Variants in CLK1 observed in about 807,000 individuals in gnomAD.
CLK1 encodes the protein dual specificity protein kinase CLK1.
Under a neutral mutation model 60.9 loss-of-function variants are expected in CLK1, and 40 were observed. That is an observed-to-expected ratio of 0.66 (90% CI 0.51 to 0.86). CLK1 has a LOEUF of 0.86. CLK1 is among the 40% of genes least tolerant of loss of function. CLK1 has a pLI of 0.00. For missense variants in CLK1, 563 were observed against 606.1 expected (o/e 0.93, Z 0.75); for synonymous variants, 203 against 184.4 (o/e 1.10, Z -0.82).
At chr2:200,854,233 T>TAA in intron 11 of CLK1, 13 of 342,400 alleles carry the variant, frequency 3.8e-5, no homozygotes, top group East Asian at 5.8e-5. Flanking sequence ...AGTGAAAATT[T>TAA]AAAAAAAAAA....
chr2:200,864,024 C>T (rs1420245341), intron 1 of CLK1: 2 of 1,447,210 alleles, frequency 1.4e-6, no homozygotes, highest in East Asian at 2.7e-5. Flanking sequence ...CAAAGCCACT[C>T]GCGATGTTTA....
intron 1 of CLK1, chr2:200,863,380 G>C (rs920383395): frequency 1.3e-5 from 2 of 151,746 alleles, no homozygotes; most frequent in Non-Finnish European, 2.9e-5. Flanking sequence ...GTAATATAGA[G>C]AGACCCCGCC....
At chr2:200,862,040 T>C (rs947075823) in intron 1 of CLK1, among the ~76,000 whole-genome samples, 178 bp from the exon 2 acceptor site, 3 of 151,868 alleles carry the variant, frequency 2.0e-5, no homozygotes, top group Admixed American at 6.6e-5. Context: ...TTCTGCAGTT[T>C]GAACTTCATT....
rs748169388 is a variant in CLK1, at chr2:200,858,030, G to A, written c.608C>T (p.Ala203Val). ...TTCCAGAACTTGTATTTCTGAGCGA[G>A]CAGCTTCACAGTATCTATCCACATT... ...VKNVDRYCEA[A>V]RSEIQVLEHL... The change falls in exon 6 of 13, where the codon GCT (alanine) becomes GTT (valine). Residue 203 changes from alanine to valine, a missense_variant. Around this residue, in one of 3 missense-constraint regions of CLK1, gnomAD observed 360 missense variants for 407.0 expected, o/e 0.88. Coordinates refer to ENST00000321356, the MANE Select transcript of CLK1 (RefSeq NM_004071.4). 6.2e-7 allele frequency: 1 copy of A among 1,614,040 alleles called. No homozygotes were observed. The highest frequency in any genetic ancestry group is 1.1e-5 in the South Asian group (1 of 91,076).
intron 1 of CLK1, among the ~76,000 whole-genome samples, chr2:200,862,571 G>T (rs1166509173): frequency 6.6e-6 from 1 of 152,108 alleles, no homozygotes; most frequent in African/African-American, 2.4e-5. Context: ...ACCACCCTTT[G>T]CCGACTCCTT....
chr2:200,860,255 A>T, intron 3 of CLK1, 40 bp from the exon 4 acceptor site: 2 of 1,613,690 alleles, frequency 1.2e-6, no homozygotes, highest in Non-Finnish European at 1.7e-6. Context: ...TCATCCAGCC[A>T]ATCAATATAC....
At position 200,864,161 on chromosome 2, in the gene CLK1, C is replaced by A. The variant is rs2039189429; in HGVS notation, c.-1+403G>T. On this transcript the variant is annotated intron_variant, in intron 1 of 12. Coordinates refer to ENST00000321356, the MANE Select transcript of CLK1 (RefSeq NM_004071.4). ...GCACATTCTGGAACCCCAGCAAATC[C>A]CCCCTCAACGGGGAGCCTCGCCTTT... is the stretch of plus-strand genomic sequence containing the variant. 1.4e-5 allele frequency: 21 copies of A among 1,551,146 alleles called. No individual in the cohort carries two copies. In the South Asian group the frequency reaches 1.4e-4, roughly 11 times the overall value.
chr2:200,859,693 T>C lies in CLK1; in HGVS notation c.535A>G (p.Ile179Val), dbSNP rs1285881368. The C allele has an allele frequency of 2.5e-6, 4 of 1,613,318 alleles. No individual in the cohort carries two copies. The highest frequency in any genetic ancestry group is 2.2e-5 in the East Asian group (1 of 44,824). Residue 179 changes from isoleucine to valine, a missense_variant, in exon 5 of 13, where the codon ATC becomes GTC. Ile to Val is a conservative substitution (Grantham distance 29). Coordinates refer to ENST00000321356, the MANE Select transcript of CLK1 (RefSeq NM_004071.4). The stretch of plus-strand genomic sequence containing the variant: ...TGGGAAACTTACGCTTTATGATCGA[T>C]GCACTCCACAACTTTTCCAAAAGCT... Reference protein sequence around the residue: ...EGAFGKVVECIDHKAGGRHVA... With the variant: ...EGAFGKVVECVDHKAGGRHVA...
chr2:200,860,873 T>A, intron 3 of CLK1: 1 of 1,061,694 alleles, frequency 9.4e-7, no homozygotes, highest in Non-Finnish European at 1.1e-6. Context: ...TATACAAAAA[T>A]AAAATGCCCT....
intron 3 of CLK1, 96 bp from the exon 4 acceptor site, chr2:200,860,311 T>C: frequency 1.3e-6 from 2 of 1,578,350 alleles, no homozygotes; most frequent in Non-Finnish European, 8.6e-7. Flanking sequence ...AGCGGGGAGA[T>C]ATTCAGGCAT....
chr2:200,859,410 C>T (rs534679126), intron 5 of CLK1, among the ~76,000 whole-genome samples: 1 of 152,152 alleles, frequency 6.6e-6, no homozygotes, highest in East Asian at 1.9e-4. Flanking sequence ...AAAATATGGC[C>T]TAACAACAGT....
chr2:200,864,068 A>C lies in CLK1; in HGVS notation c.-1+496T>G. On this transcript the variant is annotated intron_variant, in intron 1 of 12. Coordinates refer to ENST00000321356, the MANE Select transcript of CLK1 (RefSeq NM_004071.4). ...CTTTCATCATTAGACATTAACTGTA[A>C]CCCCTACGGGTTCCGTCTCTTTCTC... The C allele has an allele frequency of 2.0e-6, 3 of 1,537,078 alleles. No homozygotes were observed. The East Asian group carries it at 7.5e-5, about 38-fold the overall frequency.
At chr2:200,859,394 G>C (rs1199251346) in intron 5 of CLK1, among the ~76,000 whole-genome samples, 2 of 151,892 alleles carry the variant, frequency 1.3e-5, no homozygotes, top group African/African-American at 4.8e-5. Flanking sequence ...AATATGGTGG[G>C]GGAAAAAAAT....
intron 9 of CLK1, among the ~76,000 whole-genome samples, chr2:200,855,529 G>A (rs976039543): frequency 1.3e-5 from 2 of 152,118 alleles, no homozygotes; most frequent in African/African-American, 4.8e-5. Context: ...GGAGGCTGAG[G>A]TGGGACAATG....
At chr2:200,861,104 C>G (rs1461628983) in intron 3 of CLK1, 134 bp downstream of exon 3, 4 of 1,466,714 alleles carry the variant, frequency 2.7e-6, no homozygotes, top group Middle Eastern at 2.5e-4. Context: ...TGCACAAACA[C>G]AGAAAAAATC....
chr2:200,855,296 C>T (rs1410288777), intron 9 of CLK1, among the ~76,000 whole-genome samples: 4 of 151,484 alleles, frequency 2.6e-5, no homozygotes, highest in Admixed American at 6.6e-5. Flanking sequence ...GGCAACACAG[C>T]GAGATCCCAC....
intron 5 of CLK1, among the ~76,000 whole-genome samples, chr2:200,858,424 G>GA (rs2039079585): frequency 2.0e-5 from 3 of 152,188 alleles, no homozygotes; most frequent in Non-Finnish European, 2.9e-5. Flanking sequence ...ACCGGGAGCA[G>GA]TGGCTCTCAC....
At chr2:200,859,460 A>G (rs2039099275) in intron 5 of CLK1, among the ~76,000 whole-genome samples, 3 of 152,210 alleles carry the variant, frequency 2.0e-5, no homozygotes, top group Admixed American at 2.0e-4. Flanking sequence ...AAAACAATAT[A>G]AAGTGTGTTC....
At chr2:200,864,140 A>G (rs2039188781) in intron 1 of CLK1, 5 of 1,551,316 alleles carry the variant, frequency 3.2e-6, no homozygotes, top group Non-Finnish European at 3.5e-6. Flanking sequence ...GCTCACGCAC[A>G]TTCTGGAACC....
Sources: allele counts gnomAD v4.1 joint callset (sites outside exome capture counted in the v4.1 genomes callset), GRCh38; gene constraint gnomAD v4.1.1; regional missense constraint gnomAD v4.1.1; transcripts MANE v1.5; gene names NCBI Gene and HGNC (gene_info 2026-07-23, HGNC 2026-07-21).